Variants in FAM200B observed in about 807,000 individuals in gnomAD.
The protein encoded by FAM200B is zinc finger BED-type containing 11.
Under a neutral mutation model 33.1 loss-of-function variants are expected in FAM200B, and 32 were observed. That is an observed-to-expected ratio of 0.97 (90% CI 0.73 to 1.30). The LOEUF (loss-of-function observed/expected upper bound fraction) is 1.30, where lower values mean the gene tolerates loss of function less well. FAM200B is among the 50% of genes most tolerant of loss of function. The probability of loss-of-function intolerance (pLI) is 0.00; values close to 1 mark genes in which losing one functional copy is unlikely to be tolerated. For missense variants in FAM200B, 741 were observed against 754.0 expected, an observed-to-expected ratio of 0.98 and a Z score of 0.20; for synonymous variants, 240 against 264.8, an observed-to-expected ratio of 0.91 and a Z score of 0.91.
intron 1 of FAM200B, 72 bp from the exon 2 acceptor site, chr4:15,686,164 G>A (rs1268886784): frequency 6.6e-6 from 1 of 152,064 alleles, no homozygotes; most frequent in African/African-American, 2.4e-5. Flanking sequence ...TATCATAAAG[G>A]CCCCCATAGC....
chr4:15,665,680 T>G, the FAM200B span, among the ~76,000 whole-genome samples: 2 of 152,130 alleles, frequency 1.3e-5, no homozygotes, highest in Non-Finnish European at 2.9e-5. Context: ...AAAAATAAAA[T>G]TCTATGCTAG....
At chr4:15,673,029 A>G in the FAM200B span, among the ~76,000 whole-genome samples, 1 of 152,186 alleles carries the variant, frequency 6.6e-6, no homozygotes, top group African/African-American at 2.4e-5. Context: ...GGGCAATAAC[A>G]TGCACAAAGC....
Position 15,686,857 on chromosome 4 carries a change from A to G in FAM200B, c.-121A>G, listed in dbSNP as rs1718894287. 2 of 501,218 alleles carry G rather than the reference A, an allele frequency of 4.0e-6. No individual in the cohort carries two copies. Among genetic ancestry groups the G allele is most frequent in the African/African-American group, 4.0e-5 (2 of 49,860 alleles). 31.0% of individuals were successfully genotyped at this position (501,218 alleles called of 1,614,324 possible). A position where few individuals can be genotyped will look rare whatever the true frequency, so the allele number is the denominator to read the frequency against. Reference sequence around the variant, plus strand: ...TTGTGAAGTCTGAAATATTCGATTCAATTGCAAACTTTGAGTGTAGTTTTT... The same window carrying G: ...TTGTGAAGTCTGAAATATTCGATTCGATTGCAAACTTTGAGTGTAGTTTTT... On this transcript the variant is annotated 5_prime_UTR_variant, in exon 2 of 2. Transcript: ENST00000422728.
the FAM200B span, among the ~76,000 whole-genome samples, chr4:15,649,618 C>T: frequency 7.0e-6 from 1 of 142,686 alleles, no homozygotes; most frequent in African/African-American, 2.5e-5. Flanking sequence ...AAAGAATAAA[C>T]AGAATATACA....
At chr4:15,651,735 A>G in the FAM200B span, among the ~76,000 whole-genome samples, 1 of 152,242 alleles carries the variant, frequency 6.6e-6, no homozygotes, top group East Asian at 1.9e-4. Flanking sequence ...AAATTCTTTC[A>G]TAAAAGTAAA....
At chr4:15,656,269 C>G in the FAM200B span, 1 of 456,212 alleles carries the variant, frequency 2.2e-6, no homozygotes, top group Non-Finnish European at 4.4e-6. Context: ...TCGCCTGGCC[C>G]TGGCCACAGA....
In FAM200B at chr4:15,687,619, G is replaced by A. The variant is rs746286746; in HGVS notation, c.642G>A (p.Met214Ile). Residue 214 changes from methionine to isoleucine, a missense_variant, in exon 2 of 2, where the codon ATG becomes ATA. Transcript: ENST00000422728. ...ICTIAEHLET[M>I]LITRLQSGID... ...CTATTGCAGAACATTTAGAAACAAT[G>A]CTTATTACTCGTTTACAGTCTGGTA... The A allele has an allele frequency of 3.2e-6, 5 of 1,551,046 alleles. No homozygotes were observed. Among genetic ancestry groups the A allele is most frequent in the Non-Finnish European group, 3.5e-6 (4 of 1,146,680 alleles).
chr4:15,647,701 T>C, the FAM200B span, among the ~76,000 whole-genome samples: 2 of 152,200 alleles, frequency 1.3e-5, no homozygotes, highest in African/African-American at 4.8e-5. Flanking sequence ...AGAATCTATA[T>C]CCAGCTAACC....
chr4:15,645,745 T>C, the FAM200B span, among the ~76,000 whole-genome samples: 1 of 152,200 alleles, frequency 6.6e-6, no homozygotes, highest in Admixed American at 6.6e-5. Context: ...TTTCTTAATG[T>C]GTTAATCTTG....
the FAM200B span, among the ~76,000 whole-genome samples, chr4:15,673,166 G>A: frequency 6.6e-6 from 1 of 152,168 alleles, no homozygotes; most frequent in Non-Finnish European, 1.5e-5. Context: ...AATAGGGCAG[G>A]TGCAATGGCT....
chr4:15,638,664 T>C, the FAM200B span: 4 of 1,600,864 alleles, frequency 2.5e-6, no homozygotes, highest in Non-Finnish European at 3.4e-6. Flanking sequence ...TCTTCATAGG[T>C]AAAATATTCC....
chr4:15,673,252 C>A, the FAM200B span, among the ~76,000 whole-genome samples: 1 of 152,048 alleles, frequency 6.6e-6, no homozygotes, highest in Non-Finnish European at 1.5e-5. Context: ...CCAGCCTGGA[C>A]AACATGGCAA....
the FAM200B span, among the ~76,000 whole-genome samples, chr4:15,676,442 C>G: frequency 6.6e-6 from 1 of 150,592 alleles, no homozygotes; most frequent in African/African-American, 2.4e-5. Flanking sequence ...TAAATGTCAA[C>G]AACAAAAAAA....
chr4:15,665,404 T>G, the FAM200B span, among the ~76,000 whole-genome samples: 4 of 152,170 alleles, frequency 2.6e-5, no homozygotes, highest in Non-Finnish European at 5.9e-5. Context: ...CGGCTTATTA[T>G]TAGTACAGCT....
At position 15,688,478 on chromosome 4, in the gene FAM200B, T is replaced by G; in HGVS notation, c.1501T>G (p.Leu501Val). ...IEENIINENI[L>V]KEIKLEILLH... Reference sequence around the variant, plus strand: ...AGAGAATATTATTAATGAAAACATTTTGAAAGAAATAAAATTAGAGATATT... The same window carrying G: ...AGAGAATATTATTAATGAAAACATTGTGAAAGAAATAAAATTAGAGATATT... The change falls in exon 2 of 2, where the codon TTG becomes GTG. Residue 501 changes from leucine (L) to valine (V), a missense_variant. Physicochemically the swap from Leu to Val is conservative, Grantham distance 32. Transcript: ENST00000422728. 1 of 1,539,848 alleles carries G rather than the reference T, an allele frequency of 6.5e-7. No homozygotes were observed.
chr4:15,674,143 A>G, the FAM200B span, among the ~76,000 whole-genome samples: 1 of 152,072 alleles, frequency 6.6e-6, no homozygotes, highest in African/African-American at 2.4e-5. Flanking sequence ...AGAATAGGAA[A>G]TATTGTAGCT....
chr4:15,636,922 G>T, the FAM200B span, among the ~76,000 whole-genome samples: 6 of 152,118 alleles, frequency 3.9e-5, no homozygotes, highest in Admixed American at 1.3e-4. Flanking sequence ...AATGAACACA[G>T]AATTAACTTC....
chr4:15,658,261 CAT>C, the FAM200B span, among the ~76,000 whole-genome samples: 1 of 152,244 alleles, frequency 6.6e-6, no homozygotes, highest in Admixed American at 6.5e-5. Context: ...CAGTTGGAAT[CAT>C]AGTCCTCACT....
chr4:15,664,369 C>G, the FAM200B span, among the ~76,000 whole-genome samples: 1 of 152,016 alleles, frequency 6.6e-6, no homozygotes, highest in Non-Finnish European at 1.5e-5. Context: ...AACAAAAAAT[C>G]TAATGACTCT....
Sources: gnomAD v4.1 joint callset for allele counts (sites outside exome capture counted in the v4.1 genomes callset) on GRCh38, gnomAD v4.1.1 for gene constraint, MANE v1.5 for transcripts, NCBI Gene and HGNC (gene_info 2026-07-23, HGNC 2026-07-21) for gene names.